The following DPYD variants were observed in gnomAD, a reference collection of about 807,000 sequenced individuals.
DPYD encodes the protein dihydropyrimidine dehydrogenase.
A neutral mutation model predicts 116.2 loss-of-function variants in DPYD; 109 were observed. The ratio of observed to expected loss-of-function variants is 0.94; its 90% confidence interval spans 0.80 to 1.10. The LOEUF (loss-of-function observed/expected upper bound fraction) is 1.10, where lower values mean the gene tolerates loss of function less well. Ranked by LOEUF, DPYD falls within the 50% of genes least tolerant of loss-of-function variation. The pLI is 0.00. For synonymous variants in DPYD, 440 were observed against 432.0 expected, an observed-to-expected ratio of 1.02 and a Z score of -0.23; for missense variants, 1,302 against 1,254.5, an observed-to-expected ratio of 1.04 and a Z score of -0.57.
chr1:97,873,444 C>CAT (rs1326147276), intron 2 of DPYD, among the ~76,000 whole-genome samples: 7 of 151,228 alleles, frequency 4.6e-5, no homozygotes, highest in Admixed American at 3.3e-4. Flanking sequence ...GTTCATACTT[C>CAT]ATATATATAT....
intron 13 of DPYD, among the ~76,000 whole-genome samples, chr1:97,465,781 A>T (rs1340329939): frequency 2.0e-5 from 3 of 152,286 alleles, no homozygotes; most frequent in African/African-American, 7.2e-5. Context: ...GGACTAATAC[A>T]TGTGTAAAAC....
chr1:97,361,262 T>C (rs1670709407), intron 16 of DPYD, among the ~76,000 whole-genome samples: 1 of 152,166 alleles, frequency 6.6e-6, no homozygotes. Flanking sequence ...AGGAAGAAGA[T>C]GAATCTCTGA....
intron 13 of DPYD, among the ~76,000 whole-genome samples, chr1:97,464,134 G>A (rs915168887): frequency 3.9e-5 from 6 of 151,922 alleles, no homozygotes; most frequent in Non-Finnish European, 8.8e-5. Flanking sequence ...AGCTACTCAG[G>A]AGGCTGAGGC....
At chr1:97,823,634 T>C (rs1168504015) in intron 3 of DPYD, among the ~76,000 whole-genome samples, 1 of 152,142 alleles carries the variant, frequency 6.6e-6, no homozygotes, top group Non-Finnish European at 1.5e-5. Flanking sequence ...ACATTAACAT[T>C]TTCTAGGTTG....
intron 3 of DPYD, among the ~76,000 whole-genome samples, chr1:97,804,427 T>C (rs1667987013): frequency 6.6e-6 from 1 of 151,848 alleles, no homozygotes; most frequent in Admixed American, 6.6e-5. Flanking sequence ...TAAAACTATT[T>C]GTGAAGTCTC....
intron 14 of DPYD, among the ~76,000 whole-genome samples, chr1:97,395,323 T>C (rs1672951143): frequency 5.3e-5 from 8 of 151,952 alleles, no homozygotes; most frequent in Admixed American, 5.3e-4. Context: ...TTCATTATAT[T>C]TGTTTCTGTA....
At chr1:97,916,869 A>G (rs1020192056) in intron 1 of DPYD, among the ~76,000 whole-genome samples, 2 of 152,130 alleles carry the variant, frequency 1.3e-5, no homozygotes, top group African/African-American at 4.8e-5. Context: ...ACTGAAACAC[A>G]TATCAACACA....
chr1:97,318,059 C>T (rs561037509), intron 16 of DPYD, among the ~76,000 whole-genome samples: 5 of 146,904 alleles, frequency 3.4e-5, no homozygotes, highest in African/African-American at 9.9e-5. Context: ...CAGGCCTGCC[C>T]TAAAAGAGCT....
In DPYD at chr1:97,792,183, T is replaced by C. The variant is rs1273111173; in HGVS notation, c.233+35931A>G. Among the ~76,000 whole-genome samples, 3 of 152,276 alleles carry C rather than the reference T, an allele frequency of 2.0e-5. No homozygotes were observed. In the East Asian group the frequency reaches 5.8e-4, roughly 29 times the overall value. ...GGAAGGACAGTGCAGTAAGAAGACC[T>C]TAATCATAGATACTCCTGACGCCAA... On this transcript the variant is annotated intron_variant, in intron 3 of 22. Transcript: ENST00000370192.
At chr1:97,799,254 T>C (rs564282802) in intron 3 of DPYD, among the ~76,000 whole-genome samples, 2 of 152,012 alleles carry the variant, frequency 1.3e-5, no homozygotes, top group South Asian at 2.1e-4. Flanking sequence ...AGAGACATTA[T>C]ACAATGGTTA....
rs1648951374 is a variant in DPYD, at chr1:97,078,682, A to G, written c.*294T>C. On this transcript the variant is annotated 3_prime_UTR_variant, in exon 23 of 23. Coordinates refer to ENST00000370192, the MANE Select transcript of DPYD (RefSeq NM_000110.4). ...GGAAACTGTCACACTAATTGCCACA[A>G]AAAAGTTAATTTTTCACATAAGACA... 2 of 395,846 alleles carry G rather than the reference A, an allele frequency of 5.1e-6. No individual in the cohort carries two copies. Among genetic ancestry groups the G allele is most frequent in the East Asian group, 1.2e-4 (2 of 17,272 alleles). 24.5% of individuals were successfully genotyped at this position (395,846 alleles called of 1,614,324 possible).
chr1:97,179,633 T>C (rs1286697547), intron 20 of DPYD, among the ~76,000 whole-genome samples: 1 of 152,128 alleles, frequency 6.6e-6, no homozygotes, highest in African/African-American at 2.4e-5. Flanking sequence ...TTCAGGGCAC[T>C]TCCAGTCTAT....
rs17117169 is a variant in DPYD, at chr1:97,782,929, C to T, written c.234-42450G>A. On this transcript the variant is annotated intron_variant, in intron 3 of 22. Coordinates refer to ENST00000370192, the MANE Select transcript of DPYD (RefSeq NM_000110.4). The stretch of plus-strand genomic sequence containing the variant: ...TCACCCTAATGTGAGCCATGTGAGC[C>T]GACATAGTGAAGGCACAGTCCTAGG... 1.7e-3 allele frequency among the ~76,000 whole-genome samples: 256 copies of T among 152,110 alleles called. 4 individuals carry two copies. In the East Asian group the frequency reaches 0.046, roughly 27 times the overall value.
intron 11 of DPYD, among the ~76,000 whole-genome samples, chr1:97,568,419 T>C (rs1652679612): frequency 6.6e-6 from 1 of 152,212 alleles, no homozygotes; most frequent in Non-Finnish European, 1.5e-5. Flanking sequence ...TTCTTCTAAA[T>C]AACTCTAGGA....
intron 8 of DPYD, among the ~76,000 whole-genome samples, chr1:97,630,691 A>G (rs1047415316): frequency 6.6e-6 from 1 of 152,170 alleles, no homozygotes; most frequent in Non-Finnish European, 1.5e-5. Context: ...AACTTTTCCC[A>G]GTAAATAACA....
intron 16 of DPYD, among the ~76,000 whole-genome samples, chr1:97,336,416 T>C (rs969600016): frequency 2.6e-5 from 4 of 152,128 alleles, no homozygotes; most frequent in African/African-American, 9.7e-5. Flanking sequence ...CAATAAGTGT[T>C]TGTAGAATGA....
intron 20 of DPYD, among the ~76,000 whole-genome samples, chr1:97,146,891 G>T (rs1450681385): frequency 1.3e-5 from 2 of 152,158 alleles, no homozygotes; most frequent in African/African-American, 2.4e-5. Context: ...AAGCTTCCTG[G>T]GGTAGGTGAG....
At chr1:97,271,962 T>C (rs1285100772) in intron 18 of DPYD, among the ~76,000 whole-genome samples, 1 of 152,180 alleles carries the variant, frequency 6.6e-6, no homozygotes, top group Non-Finnish European at 1.5e-5. Flanking sequence ...CCGTAAGTAA[T>C]TGCTAGCCTC....
intron 20 of DPYD, among the ~76,000 whole-genome samples, chr1:97,102,512 CGTGTGT>C (rs36153065): frequency 2.1e-5 from 3 of 144,612 alleles, no homozygotes; most frequent in Non-Finnish European, 3.0e-5. Flanking sequence ...ATACCTATTT[CGTGTGT>C]GTGTGTGTGT....
Sources: allele counts gnomAD v4.1 joint callset (sites outside exome capture counted in the v4.1 genomes callset), GRCh38; gene constraint gnomAD v4.1.1; transcripts MANE v1.5; gene names NCBI Gene and HGNC (gene_info 2026-07-23, HGNC 2026-07-21).